The following FRMD6 variants were observed in gnomAD, a reference collection of about 807,000 sequenced individuals.
FRMD6 encodes FERM domain-containing protein 6.
In FRMD6, 37 loss-of-function variants were observed where a neutral mutation model predicts 73.2. The ratio of observed to expected loss-of-function variants is 0.51; its 90% CI spans 0.39 to 0.66. The LOEUF (loss-of-function observed/expected upper bound fraction) is 0.66, where lower values mean the gene tolerates loss of function less well. Ranked by LOEUF, FRMD6 falls within the 30% of genes least tolerant of loss-of-function variation. The pLI, the probability that FRMD6 is intolerant of heterozygous loss-of-function variation, is 0.00. For synonymous variants in FRMD6, 273 were observed against 282.2 expected, an observed-to-expected ratio of 0.97 and a Z score of 0.33; for missense variants, 714 against 780.5, an observed-to-expected ratio of 0.91 and a Z score of 1.02.
the FRMD6 span, among the ~76,000 whole-genome samples, chr14:51,415,704 AT>A: frequency 6.6e-6 from 1 of 152,100 alleles, no homozygotes; most frequent in Admixed American, 6.5e-5. Context: ...TTTTCTATTG[AT>A]TGGGATAGTT....
chr14:51,574,783 A>G lies in FRMD6; in HGVS notation c.-147+4373A>G, dbSNP rs776108633. ...TAGTACAACAGGGCGATTCTGATCA[A>G]CAGTGATTTATTGTATACTTTAAAA... On this transcript the variant is annotated intron_variant, in intron 2 of 14. Transcript: ENST00000356218. Among the ~76,000 whole-genome samples the G allele has an allele frequency of 3.9e-5, 6 of 152,216 alleles. No individual in the cohort carries two copies. In the East Asian group the frequency reaches 9.6e-4, roughly 24 times the overall value.
chr14:51,436,920 A>G, the FRMD6 span: 22 of 997,330 alleles, frequency 2.2e-5, no homozygotes, highest in African/African-American at 2.4e-4. Flanking sequence ...GAAGAAGATG[A>G]TGATGAAGGG....
At chr14:51,441,392 C>G in the FRMD6 span, among the ~76,000 whole-genome samples, 1 of 152,232 alleles carries the variant, frequency 6.6e-6, no homozygotes, top group Non-Finnish European at 1.5e-5. Context: ...TATGCCTTCC[C>G]TCAGTTAGGT....
chr14:51,588,190 T>C (rs1889166427), intron 2 of FRMD6, among the ~76,000 whole-genome samples: 1 of 152,108 alleles, frequency 6.6e-6, no homozygotes, highest in Non-Finnish European at 1.5e-5. Flanking sequence ...TTTCCCCCCC[T>C]CCCAAACCTG....
chr14:51,518,333 A>G lies in FRMD6; in HGVS notation c.-210+28913A>G, dbSNP rs566629408. Among the ~76,000 whole-genome samples the G allele has an allele frequency of 1.1e-4, 17 of 152,340 alleles. No homozygotes were observed. The South Asian group carries it at 3.1e-3, about 28-fold the overall frequency. On this transcript the variant is annotated intron_variant, in intron 1 of 14. Transcript: ENST00000356218. Reference sequence around the variant, plus strand: ...TAGATTTAGATGTAGACCACCATCCATGGCACCCTGTAGGCAAGGGGATTT... The same window carrying G: ...TAGATTTAGATGTAGACCACCATCCGTGGCACCCTGTAGGCAAGGGGATTT...
At chr14:51,551,316 T>C (rs1886818472) in intron 1 of FRMD6, among the ~76,000 whole-genome samples, 1 of 152,202 alleles carries the variant, frequency 6.6e-6, no homozygotes, top group Non-Finnish European at 1.5e-5. Context: ...AAAAATAAAG[T>C]ATATAGGTTC....
chr14:51,609,244 G>A (rs1176920834), intron 2 of FRMD6, among the ~76,000 whole-genome samples: 1 of 152,168 alleles, frequency 6.6e-6, no homozygotes, highest in East Asian at 1.9e-4. Context: ...AGGTGGCCAA[G>A]CTAATAAATG....
At position 51,699,629 on chromosome 14, in the gene FRMD6, G is replaced by A. The variant is rs1036545816; in HGVS notation, c.190+1397G>A. ...CTTCTCTCAATGTCAGTTTTTTCGC[G>A]TCAAATGGAAATTACTACTCCACCA... is the stretch of plus-strand genomic sequence containing the variant. On this transcript the variant is annotated intron_variant, in intron 3 of 13. Transcript: ENST00000344768. Among the ~76,000 whole-genome samples the A allele has an allele frequency of 4.6e-5, 7 of 152,090 alleles. 1 individual carries two copies. The highest frequency in any genetic ancestry group is 3.9e-4 in the Admixed American group (6 of 15,238).
intron 2 of FRMD6, among the ~76,000 whole-genome samples, chr14:51,603,266 G>C (rs556688120): frequency 2.0e-5 from 3 of 152,214 alleles, no homozygotes; most frequent in Non-Finnish European, 4.4e-5. Flanking sequence ...CATAGTTTAT[G>C]ATACTTTGTT....
intron 1 of FRMD6, among the ~76,000 whole-genome samples, chr14:51,658,965 A>G (rs12889478): frequency 0.14 from 20,840 of 152,246 alleles, 1,555 homozygotes; most frequent in African/African-American, 0.17. Flanking sequence ...AAAATTTAGC[A>G]TATGTAATGT....
upstream of FRMD6, chr14:51,488,966 C>T (rs1882846885): frequency 6.6e-6 from 1 of 152,202 alleles, no homozygotes; most frequent in South Asian, 2.1e-4. Flanking sequence ...TCCCAATTTT[C>T]CCAGGCACAG....
chr14:51,400,109 T>A, the FRMD6 span, among the ~76,000 whole-genome samples: 2 of 151,986 alleles, frequency 1.3e-5, no homozygotes, highest in South Asian at 2.1e-4. Context: ...CTATCATTTC[T>A]TTGTGGTAAG....
the FRMD6 span, among the ~76,000 whole-genome samples, chr14:51,461,609 A>G: frequency 4.6e-5 from 7 of 152,254 alleles, no homozygotes; most frequent in East Asian, 1.3e-3. Flanking sequence ...TCCTTCAAAA[A>G]TTAAAAAACT....
At chr14:51,585,422 G>A (rs1427552772) in intron 2 of FRMD6, among the ~76,000 whole-genome samples, 1 of 152,090 alleles carries the variant, frequency 6.6e-6, no homozygotes, top group Admixed American at 6.6e-5. Context: ...CCCAATTTAA[G>A]TGTTTACAAT....
chr14:51,614,477 A>G (rs943936373), intron 2 of FRMD6, among the ~76,000 whole-genome samples: 1 of 152,150 alleles, frequency 6.6e-6, no homozygotes, highest in Non-Finnish European at 1.5e-5. Flanking sequence ...TATTGTTTCT[A>G]GGCTAAACAG....
chr14:51,690,542 C>A (rs998447923), intron 2 of FRMD6, among the ~76,000 whole-genome samples: 33 of 152,142 alleles, frequency 2.2e-4, no homozygotes, highest in Admixed American at 4.6e-4. Flanking sequence ...CGCACCACCA[C>A]GCCCGGCTAA....
intron 10 of FRMD6, among the ~76,000 whole-genome samples, chr14:51,716,051 C>T (rs1897223654): frequency 6.6e-6 from 1 of 152,136 alleles, no homozygotes; most frequent in Non-Finnish European, 1.5e-5. Context: ...TCAGCTGGTC[C>T]TGTGGGGCCT....
At chr14:51,681,205 G>C (rs1487297128) in intron 1 of FRMD6, among the ~76,000 whole-genome samples, 1 of 152,128 alleles carries the variant, frequency 6.6e-6, no homozygotes, top group Non-Finnish European at 1.5e-5. Flanking sequence ...TAACCCCGAG[G>C]TTAACCTCAT....
At chr14:51,491,657 A>T (rs535485131) in intron 1 of FRMD6, 4 of 152,416 alleles carry the variant, frequency 2.6e-5, no homozygotes, top group South Asian at 2.1e-4. Context: ...AAAAAAATTT[A>T]AAAAATGAAA....
Sources: allele counts gnomAD v4.1 joint callset (sites outside exome capture counted in the v4.1 genomes callset), GRCh38; gene constraint gnomAD v4.1.1; transcripts MANE v1.5; gene names NCBI Gene and HGNC (gene_info 2026-07-23, HGNC 2026-07-21).